COX10: variants seen among roughly 807,000 people sequenced by gnomAD.
COX10 encodes the protein cytochrome c oxidase assembly factor heme A:farnesyltransferase COX10.
COX10 carries 27 observed loss-of-function variants against 37.3 expected under a neutral mutation model. The observed-to-expected ratio is 0.72, with a 90% confidence interval of 0.53 to 1.00. COX10 has a LOEUF of 1.00. Among genes scored for constraint, COX10 ranks in the 50% least tolerant of loss-of-function variants. The pLI, the probability that COX10 is intolerant of heterozygous loss-of-function variation, is 0.00. For synonymous variants in COX10, 222 were observed against 229.1 expected (o/e 0.97, Z 0.28); for missense variants, 475 against 563.2 (o/e 0.84, Z 1.59).
At position 14,102,163 on chromosome 17, in the gene COX10, G is replaced by A. The variant is rs1440728020; in HGVS notation, c.545G>A (p.Gly182Asp). The change falls in exon 4 of 7, where the codon GGC (glycine) becomes GAC (aspartate). Residue 182 changes from glycine (G) to aspartate (D), a missense_variant. Physicochemically the swap from Gly to Asp is moderately conservative, Grantham distance 94. This residue lies in a region of COX10 where 242 missense variants were observed against 242.5 expected (regional missense o/e 1.00). Transcript: ENST00000261643. ...TTAAGFALAPGPFDWPCFLLT... is the reference protein window; with the variant it reads ...TTAAGFALAPDPFDWPCFLLT... ...GCAGCTGGATTTGCATTGGCTCCGG[G>A]CCCTTTTGACTGGCCCTGTTTCCTG... is the stretch of plus-strand genomic sequence containing the variant. The A allele has an allele frequency of 1.2e-6, 2 of 1,613,732 alleles. No individual in the cohort carries two copies. Among genetic ancestry groups the A allele is most frequent in the South Asian group, 2.2e-5 (2 of 91,074 alleles).
chr17:14,182,174 A>G (rs1244159847), intron 5 of COX10: 1 of 970,138 alleles, frequency 1.0e-6, no homozygotes, highest in Non-Finnish European at 1.2e-6. Context: ...CATGCCTATA[A>G]TCGCAGCTAC....
At chr17:14,111,849 T>A (rs1916010823) in intron 4 of COX10, among the ~76,000 whole-genome samples, 1 of 152,266 alleles carries the variant, frequency 6.6e-6, no homozygotes, top group East Asian at 1.9e-4. Context: ...ATCCTTCCCC[T>A]AATGTTACTG....
At chr17:14,187,167 A>G (rs1906059253) in intron 5 of COX10, among the ~76,000 whole-genome samples, 2 of 151,896 alleles carry the variant, frequency 1.3e-5, no homozygotes, top group African/African-American at 4.8e-5. Flanking sequence ...ACAGCCTGAC[A>G]GTACGTGTCA....
At chr17:14,081,863 A>T (rs1915302501) in intron 3 of COX10, among the ~76,000 whole-genome samples, 1 of 152,190 alleles carries the variant, frequency 6.6e-6, no homozygotes, top group Non-Finnish European at 1.5e-5. Flanking sequence ...GGAATGAAAA[A>T]CTAGATGAAT....
chr17:14,159,182 G>A (rs1905119925), intron 4 of COX10, among the ~76,000 whole-genome samples: 1 of 152,068 alleles, frequency 6.6e-6, no homozygotes, highest in African/African-American at 2.4e-5. Flanking sequence ...GAACTATCCT[G>A]GGCAGAATAG....
At chr17:14,164,237 A>G (rs569568313) in intron 5 of COX10, among the ~76,000 whole-genome samples, 174 of 152,330 alleles carry the variant, frequency 1.1e-3, no homozygotes, top group Non-Finnish European at 2.1e-3. Flanking sequence ...GGTATTTCAG[A>G]GGAACACAGT....
chr17:14,128,128 A>C (rs1916386110), intron 4 of COX10, among the ~76,000 whole-genome samples: 1 of 152,058 alleles, frequency 6.6e-6, no homozygotes, highest in South Asian at 2.1e-4. Flanking sequence ...AGAAAATTTC[A>C]CTGAACTGAA....
chr17:14,076,201 C>T (rs1915147190), intron 2 of COX10, among the ~76,000 whole-genome samples: 1 of 139,756 alleles, frequency 7.2e-6, no homozygotes, highest in African/African-American at 2.7e-5. Flanking sequence ...ATCTCCTAGG[C>T]TCAAACAATC....
chr17:14,141,039 A>G (rs1165502029), intron 4 of COX10, among the ~76,000 whole-genome samples: 1 of 151,970 alleles, frequency 6.6e-6, no homozygotes, highest in Admixed American at 6.6e-5. Flanking sequence ...GATATCGTCT[A>G]GGATTTTTTT....
rs1916151378 is a variant in COX10 at position 14,118,012 on chromosome 17, C to G, written c.624+15770C>G. Among the ~76,000 whole-genome samples the G allele has an allele frequency of 2.0e-5, 3 of 152,210 alleles. No individual in the cohort carries two copies. The South Asian group carries it at 6.2e-4, about 32-fold the overall frequency. ...CCTAGCTGGACTCTCCTCTGACCTT[C>G]CCTGCTGAATTCCCCTCAGCGTCTG... On this transcript the variant is annotated intron_variant, in intron 4 of 6. Transcript: ENST00000261643.
intron 4 of COX10, among the ~76,000 whole-genome samples, chr17:14,110,035 AAATGGTG>A (rs1362658205): frequency 6.6e-6 from 1 of 152,146 alleles, no homozygotes; most frequent in Non-Finnish European, 1.5e-5. Flanking sequence ...AAGATGAAAT[AAATGGTG>A]AATGAATTTA....
chr17:14,114,551 T>C (rs1307765080), intron 4 of COX10, among the ~76,000 whole-genome samples: 3 of 152,110 alleles, frequency 2.0e-5, no homozygotes, highest in Non-Finnish European at 1.5e-5. Flanking sequence ...TTTTTGATTA[T>C]GCCATTGATG....
At chr17:14,153,081 G>A (rs1484384964) in intron 4 of COX10, among the ~76,000 whole-genome samples, 5 of 152,172 alleles carry the variant, frequency 3.3e-5, no homozygotes, top group Non-Finnish European at 7.3e-5. Context: ...GTACAGAAAG[G>A]GGATTCTGGG....
Position 14,069,634 on chromosome 17 carries a change from C to A in COX10, c.29C>A (p.Ser10Ter). The A allele has an allele frequency of 2.5e-6, 4 of 1,614,130 alleles. No homozygotes were observed. The highest frequency in any genetic ancestry group is 3.4e-6 in the Non-Finnish European group (4 of 1,180,016). ...GCCGCATCTCCGCACACTCTCTCCTCACGCCTCCTGACAGGTACTGTACCC... is the reference window on the plus strand; with the variant it reads ...GCCGCATCTCCGCACACTCTCTCCTAACGCCTCCTGACAGGTACTGTACCC... MAASPHTLS[S>*]RLLTGCVGGS... Residue 10 changes from serine (S) to a stop codon, truncating the protein, a stop_gained, in exon 1 of 7, where the codon TCA (serine) becomes TAA (stop). Transcript: ENST00000261643. LOFTEE classifies it high-confidence loss of function.
At chr17:14,110,620 T>C (rs1915988318) in intron 4 of COX10, among the ~76,000 whole-genome samples, 1 of 152,070 alleles carries the variant, frequency 6.6e-6, no homozygotes, top group Non-Finnish European at 1.5e-5. Context: ...TATCTCTTTC[T>C]TTTCTTTTTT....
chr17:14,076,783 C>A lies in COX10; in HGVS notation c.226C>A (p.Pro76Thr), dbSNP rs550289979. Residue 76 changes from proline to threonine, a missense_variant, in exon 3 of 7, where the codon CCA becomes ACA. Around this residue, in one of 5 missense-constraint regions of COX10, gnomAD observed 242 missense variants for 242.5 expected, o/e 1.00. Coordinates refer to ENST00000261643, the MANE Select transcript of COX10 (RefSeq NM_001303.4). The part of the protein sequence containing the change: ...RSHNQQVRPK[P>T]EPVASPFLEK... ...CCACAACCAGCAAGTAAGACCCAAGCCAGAACCAGTAGCATCTCCTTTCCT... is the reference window on the plus strand; with the variant it reads ...CCACAACCAGCAAGTAAGACCCAAGACAGAACCAGTAGCATCTCCTTTCCT... The A allele has an allele frequency of 6.2e-7, 1 of 1,614,092 alleles. No individual in the cohort carries two copies. Among genetic ancestry groups the A allele is most frequent in the African/African-American group, 1.3e-5 (1 of 74,996 alleles).
intron 3 of COX10, among the ~76,000 whole-genome samples, chr17:14,099,727 C>T (rs1915733785): frequency 6.6e-6 from 1 of 152,128 alleles, no homozygotes; most frequent in Non-Finnish European, 1.5e-5. Flanking sequence ...CCCTCAGGCT[C>T]AGGCATGGCC....
chr17:14,116,910 G>A (rs1916127309), intron 4 of COX10, among the ~76,000 whole-genome samples: 1 of 152,102 alleles, frequency 6.6e-6, no homozygotes, highest in African/African-American at 2.4e-5. Context: ...ACCTTGCAGG[G>A]ACTTCCCTGG....
intron 3 of COX10, among the ~76,000 whole-genome samples, chr17:14,101,593 A>G (rs1436711796): frequency 6.6e-6 from 1 of 152,154 alleles, no homozygotes; most frequent in African/African-American, 2.4e-5. Context: ...TTGTAGGATT[A>G]TCATCTCCCA....
Sources: gnomAD v4.1 joint callset for allele counts (sites outside exome capture counted in the v4.1 genomes callset) on GRCh38, gnomAD v4.1.1 for gene constraint, gnomAD v4.1.1 regional missense constraint, MANE v1.5 for transcripts, NCBI Gene and HGNC (gene_info 2026-07-23, HGNC 2026-07-21) for gene names.